Variants in GTF2I observed in about 807,000 individuals in gnomAD.
The protein encoded by GTF2I is general transcription factor II-I.
A neutral mutation model predicts 67.6 loss-of-function variants in GTF2I; 12 were observed. That is an observed-to-expected ratio of 0.18 (90% CI 0.11 to 0.29). GTF2I has a LOEUF of 0.29. GTF2I is among the 10% of genes least tolerant of loss of function. The pLI, the probability that GTF2I is intolerant of heterozygous loss-of-function variation, is 1.00. For missense variants in GTF2I, 271 were observed against 580.1 expected (o/e 0.47, Z 5.47); for synonymous variants, 149 against 197.0 (o/e 0.76, Z 2.04).
chr7:74,679,139 C>A (rs1272311916), intron 1 of GTF2I, among the ~76,000 whole-genome samples: 1 of 151,320 alleles, frequency 6.6e-6, no homozygotes, highest in Non-Finnish European at 1.5e-5. Context: ...AGTGCAGTGG[C>A]GTGAACTTGG....
intron 1 of GTF2I, among the ~76,000 whole-genome samples, chr7:74,667,570 C>T (rs1331869944): frequency 1.3e-5 from 2 of 151,416 alleles, no homozygotes; most frequent in Non-Finnish European, 2.9e-5. Context: ...GGCTGGAGTG[C>T]AGTGGTATGC....
chr7:74,665,135 T>C (rs1584064889), intron 1 of GTF2I, among the ~76,000 whole-genome samples: 1 of 150,134 alleles, frequency 6.7e-6, no homozygotes, highest in South Asian at 2.1e-4. Context: ...AGAGACGGGG[T>C]TTCTCCATTT....
At chr7:74,716,489 A>G (rs138026676) in intron 10 of GTF2I, 166 of 155,128 alleles carry the variant, frequency 1.1e-3, no homozygotes, top group African/African-American at 3.7e-3. Context: ...ACTTATTTAT[A>G]GGGAGTTAAT....
chr7:74,695,905 CT>C (rs1554398232), intron 3 of GTF2I, among the ~76,000 whole-genome samples: 1 of 152,128 alleles, frequency 6.6e-6, no homozygotes. Flanking sequence ...TGGTTCTCCA[CT>C]GGTTAGAACT....
intron 8 of GTF2I, among the ~76,000 whole-genome samples, chr7:74,708,280 G>C (rs1791042554): frequency 6.6e-6 from 1 of 152,188 alleles, no homozygotes; most frequent in South Asian, 2.1e-4. Context: ...TCCAGCCTGG[G>C]CAACAAGAGT....
Position 74,689,172 on chromosome 7 carries a change from A to T in GTF2I, c.44A>T (p.Glu15Val). 1 of 1,613,104 alleles carries T rather than the reference A, an allele frequency of 6.2e-7. No homozygotes were observed. The highest frequency in any genetic ancestry group is 8.5e-7 in the Non-Finnish European group (1 of 1,179,248). Residue 15 changes from glutamate to valine, a missense_variant, in exon 2 of 35, where the codon GAG becomes GTG. Transcript: ENST00000573035. ...AMSTLPVEDE[E>V]SSESRMVVTF... Reference sequence around the variant, plus strand: ...TCCACCCTCCCCGTTGAAGATGAGGAGTCCTCGGAGAGCAGGATGGTGGTG... The same window carrying T: ...TCCACCCTCCCCGTTGAAGATGAGGTGTCCTCGGAGAGCAGGATGGTGGTG...
At chr7:74,720,915 T>A (rs782763577) in intron 12 of GTF2I, among the ~76,000 whole-genome samples, 1 of 152,176 alleles carries the variant, frequency 6.6e-6, no homozygotes, top group Admixed American at 6.5e-5. Context: ...ATAAGACTTT[T>A]AAAGAAAGGT....
At chr7:74,713,097 G>T (rs1791819161) in intron 9 of GTF2I, among the ~76,000 whole-genome samples, 2 of 152,056 alleles carry the variant, frequency 1.3e-5, no homozygotes, top group Admixed American at 1.3e-4. Flanking sequence ...TTTTTAGGGT[G>T]AATAAAATTC....
At chr7:74,712,106 C>T (rs1197295578) in intron 9 of GTF2I, among the ~76,000 whole-genome samples, 5 of 151,986 alleles carry the variant, frequency 3.3e-5, no homozygotes, top group African/African-American at 4.8e-5. Flanking sequence ...TGTGCCAACA[C>T]ACCTGGCTAA....
At chr7:74,713,009 C>T (rs754917493) in intron 9 of GTF2I, among the ~76,000 whole-genome samples, 7 of 152,068 alleles carry the variant, frequency 4.6e-5, no homozygotes, top group Non-Finnish European at 7.4e-5. Flanking sequence ...TGTTGATTTT[C>T]TCAATGAGTG....
At chr7:74,668,174 T>G (rs1805148770) in intron 1 of GTF2I, among the ~76,000 whole-genome samples, 1 of 18,586 alleles carries the variant, frequency 5.4e-5, no homozygotes, top group Non-Finnish European at 1.9e-4. Flanking sequence ...GGTGCAGAAC[T>G]TTTTTTTTTT....
At chr7:74,676,069 T>G (rs182387725) in intron 1 of GTF2I, among the ~76,000 whole-genome samples, 2 of 151,902 alleles carry the variant, frequency 1.3e-5, no homozygotes, top group Admixed American at 1.3e-4. Flanking sequence ...ATTGAGGACA[T>G]CTAGTCAGTT....
chr7:74,680,099 A>AAAAAAAAAATAT, intron 1 of GTF2I, among the ~76,000 whole-genome samples: 1 of 94,986 alleles, frequency 1.1e-5, no homozygotes, highest in African/African-American at 4.0e-5. Context: ...AAAAAAAAAA[A>AAAAAAAAAATAT]ATATATATAT....
At chr7:74,716,992 T>G in intron 11 of GTF2I, 42 bp downstream of exon 11, 1 of 1,559,192 alleles carries the variant, frequency 6.4e-7, no homozygotes, top group Non-Finnish European at 8.8e-7. Context: ...CTATTTGTTG[T>G]ATGTTTATTC....
At chr7:74,758,068 TTA>T (rs1796153618) in intron 33 of GTF2I, 68 bp downstream of exon 33, 63 of 241,014 alleles carry the variant, frequency 2.6e-4, no homozygotes, top group Non-Finnish European at 3.7e-4. Context: ...TTTTTTTTTT[TTA>T]AAGACAGAGA....
At chr7:74,692,135 G>A (rs1319797612) in intron 3 of GTF2I, among the ~76,000 whole-genome samples, 4 of 144,910 alleles carry the variant, frequency 2.8e-5, no homozygotes, top group East Asian at 2.0e-4. Context: ...GTGCAGTGGC[G>A]CGATCTCCGC....
At chr7:74,703,796 T>A (rs1226546958) in intron 6 of GTF2I, among the ~76,000 whole-genome samples, 2 of 152,248 alleles carry the variant, frequency 1.3e-5, no homozygotes, top group African/African-American at 2.4e-5. Flanking sequence ...CACATTTAGA[T>A]CTATGGTTCA....
At chr7:74,703,076 A>G (rs1209654930) in intron 6 of GTF2I, among the ~76,000 whole-genome samples, 2 of 151,920 alleles carry the variant, frequency 1.3e-5, no homozygotes, top group Non-Finnish European at 2.9e-5. Context: ...AGAAATATCT[A>G]TTTAGGTCCT....
At position 74,658,547 on chromosome 7, in the gene GTF2I, G is replaced by T. The variant is rs1237775390; in HGVS notation, c.-6+479G>T. ...CGGTGCCAGGCCCGAGCCGTCGTGGGGTCGCGCTCGCCTGGTGTATCTGGG... is the reference window on the plus strand; with the variant it reads ...CGGTGCCAGGCCCGAGCCGTCGTGGTGTCGCGCTCGCCTGGTGTATCTGGG... On this transcript the variant is annotated intron_variant, in intron 1 of 34. Coordinates refer to ENST00000573035, the MANE Select transcript of GTF2I (RefSeq NM_032999.4). 4.0e-5 allele frequency among the ~76,000 whole-genome samples: 6 copies of T among 150,380 alleles called. No homozygotes were observed. In the East Asian group the frequency reaches 7.9e-4, roughly 20 times the overall value.
Sources: allele counts gnomAD v4.1 joint callset (sites outside exome capture counted in the v4.1 genomes callset), GRCh38; gene constraint gnomAD v4.1.1; transcripts MANE v1.5; gene names NCBI Gene and HGNC (gene_info 2026-07-23, HGNC 2026-07-21).